The following STMND1 variants were observed in gnomAD, a reference collection of about 807,000 sequenced individuals.
The protein encoded by STMND1 is stathmin domain-containing protein 1.
Under a neutral mutation model 23.0 loss-of-function variants are expected in STMND1, and 17 were observed. That is an observed-to-expected ratio of 0.74 (90% CI 0.51 to 1.11). The LOEUF is 1.11. Among genes scored for constraint, STMND1 ranks in the 50% least tolerant of loss-of-function variants. The pLI is 0.00. For missense variants in STMND1, 305 were observed against 329.1 expected, an observed-to-expected ratio of 0.93 and a Z score of 0.57; for synonymous variants, 114 against 119.9, an observed-to-expected ratio of 0.95 and a Z score of 0.32.
chr6:17,104,852 C>T (rs1186334452), intron 1 of STMND1, among the ~76,000 whole-genome samples: 1 of 152,284 alleles, frequency 6.6e-6, no homozygotes, highest in Middle Eastern at 3.4e-3. Context: ...AGTTATTTAA[C>T]CTCCCTGTGC....
chr6:17,110,415 G>C (rs550398248), intron 1 of STMND1: 1 of 167,722 alleles, frequency 6.0e-6, no homozygotes, highest in African/African-American at 2.4e-5. Flanking sequence ...AGAGTCCTGA[G>C]GCCCTTCAAA....
intron 3 of STMND1, among the ~76,000 whole-genome samples, chr6:17,127,333 T>A (rs1031871898): frequency 1.3e-5 from 2 of 152,174 alleles, no homozygotes; most frequent in African/African-American, 4.8e-5. Context: ...GTGGAACACC[T>A]GAGGTCAGGA....
intron 1 of STMND1, 105 bp from the exon 2 acceptor site, chr6:17,114,857 C>T: frequency 8.1e-7 from 1 of 1,229,240 alleles, no homozygotes; most frequent in Non-Finnish European, 1.1e-6. Flanking sequence ...ACTATACAGC[C>T]CACCACAGAT....
chr6:17,126,056 ATATATATATATATATT>A (rs1314787058), intron 3 of STMND1, among the ~76,000 whole-genome samples: 21 of 22,590 alleles, frequency 9.3e-4, no homozygotes, highest in South Asian at 8.0e-3. Flanking sequence ...ATATATATAT[ATATATATATATATATT>A]TTTTTTTTTT....
rs530315965 is a variant in STMND1, at chr6:17,120,556, ATCT to A, written c.260-48_260-46del. 39 of 1,406,774 alleles carry A rather than the reference ATCT, an allele frequency of 2.8e-5. No homozygotes were observed. In the Admixed American group the frequency reaches 7.9e-4, roughly 28 times the overall value. 87.1% of individuals were successfully genotyped at this position (1,406,774 alleles called of 1,614,324 possible). A position where few individuals can be genotyped will look rare whatever the true frequency, so the allele number is the denominator to read the frequency against. ...ATCCGTTTAGCATTTGATTGAAAAA[ATCT>A]TCATTCTTAAATTTTGCTTTCTTTT... On this transcript the variant is annotated intron_variant, in intron 2 of 4. Coordinates refer to ENST00000536551, the MANE Select transcript of STMND1 (RefSeq NM_001190766.2).
intron 1 of STMND1, among the ~76,000 whole-genome samples, chr6:17,106,697 G>A (rs1761030129): frequency 6.6e-6 from 1 of 152,158 alleles, no homozygotes; most frequent in Non-Finnish European, 1.5e-5. Flanking sequence ...AAGGCTTAGG[G>A]TTCAGTAGTT....
rs1487367006 is a variant in STMND1 at position 17,102,294 on chromosome 6, A to G, written c.37A>G (p.Arg13Gly). ...CGPSQPAEDRRRVRAPKKGWK... is the reference protein window; with the variant it reads ...CGPSQPAEDRGRVRAPKKGWK... The stretch of plus-strand genomic sequence containing the variant: ...ACCTTCCCAACCTGCTGAAGACCGG[A>G]GACGTGTACGCGCGCCCAAGAAGGG... Residue 13 changes from arginine (R) to glycine (G), a missense_variant, in exon 1 of 5, where the codon AGA (arginine) becomes GGA (glycine). Arg to Gly is a moderately radical substitution (Grantham distance 125). Transcript: ENST00000536551. 6.5e-7 allele frequency: 1 copy of G among 1,536,074 alleles called. No individual in the cohort carries two copies. The highest frequency in any genetic ancestry group is 2.0e-5 in the Admixed American group (1 of 51,004).
intron 2 of STMND1, among the ~76,000 whole-genome samples, chr6:17,115,372 T>TAAAAAAAAAAAAAAAAAAAA (rs75171969): frequency 8.6e-6 from 1 of 116,098 alleles, no homozygotes. Context: ...GGACCATCTT[T>TAAAAAAAAAAAAAAAAAAAA]AAAAAAAAAA....
In STMND1 at chr6:17,126,070, A is replaced by ATTTTTT. The variant is rs1189845838; in HGVS notation, c.412-3019_412-3014dup. 9.7e-5 allele frequency among the ~76,000 whole-genome samples: 2 copies of ATTTTTT among 20,528 alleles called. 1 individual carries two copies. Among genetic ancestry groups the ATTTTTT allele is most frequent in the African/African-American group, 5.3e-4 (2 of 3,776 alleles). 13.5% of individuals were successfully genotyped at this position (20,528 alleles called of 152,430 possible). A position where few individuals can be genotyped will look rare whatever the true frequency, so the allele number is the denominator to read the frequency against. Reference sequence around the variant, plus strand: ...TATATATATATATATATATATATATATTTTTTTTTTTTTTTTTTTTTTTTT... The same window carrying ATTTTTT: ...TATATATATATATATATATATATATATTTTTTTTTTTTTTTTTTTTTTTTTTTTTTT... On this transcript the variant is annotated intron_variant, in intron 3 of 4. Coordinates refer to ENST00000536551, the MANE Select transcript of STMND1 (RefSeq NM_001190766.2).
chr6:17,104,291 C>G (rs1189287670), intron 1 of STMND1, among the ~76,000 whole-genome samples: 1 of 152,140 alleles, frequency 6.6e-6, no homozygotes, highest in Non-Finnish European at 1.5e-5. Flanking sequence ...ATCCATTGTT[C>G]TTGTCGCCCT....
intron 1 of STMND1, among the ~76,000 whole-genome samples, chr6:17,109,301 A>G (rs1197383136): frequency 6.6e-6 from 1 of 152,140 alleles, no homozygotes; most frequent in East Asian, 1.9e-4. Flanking sequence ...ATGAACTGAT[A>G]TTGGTTTAGC....
chr6:17,131,012 G>A lies in STMND1; in HGVS notation c.*131G>A, dbSNP rs1107867. 466 of 869,828 alleles carry A rather than the reference G, an allele frequency of 5.4e-4. 2 individuals carry two copies. The African/African-American group carries it at 7.0e-3, about 13-fold the overall frequency. The allele number at this position is 869,828 out of a possible 1,614,324, so 53.9% of individuals were successfully genotyped here. A position where few individuals can be genotyped will look rare whatever the true frequency, so the allele number is the denominator to read the frequency against. The stretch of plus-strand genomic sequence containing the variant: ...CTGCCTTGGGCTTAAGGATGATTGT[G>A]TGGGCTGCACAGGCTGAAGGTTAGT... On this transcript the variant is annotated 3_prime_UTR_variant, in exon 5 of 5. Transcript: ENST00000536551.
At position 17,102,303 on chromosome 6, in the gene STMND1, C is replaced by T; in HGVS notation, c.46C>T (p.Arg16Cys). 3 of 1,536,004 alleles carry T rather than the reference C, an allele frequency of 2.0e-6. No homozygotes were observed. Among genetic ancestry groups the T allele is most frequent in the Non-Finnish European group, 2.6e-6 (3 of 1,146,854 alleles). ...ACCTGCTGAAGACCGGAGACGTGTA[C>T]GCGCGCCCAAGAAGGGCTGGAAAGA... Reference protein sequence around the residue: ...SQPAEDRRRVRAPKKGWKEEF... With the variant: ...SQPAEDRRRVCAPKKGWKEEF... The change falls in exon 1 of 5, where the codon CGC (arginine) becomes TGC (cysteine). Residue 16 changes from arginine to cysteine, a missense_variant. By Grantham distance (180) the Arg-to-Cys change is radical. Transcript: ENST00000536551.
chr6:17,125,569 T>C (rs1042117320), intron 3 of STMND1, among the ~76,000 whole-genome samples: 4 of 152,336 alleles, frequency 2.6e-5, no homozygotes, highest in African/African-American at 9.6e-5. Flanking sequence ...TTGTTCACAT[T>C]GCATAAGAGT....
At chr6:17,125,326 AT>A (rs916598761) in intron 3 of STMND1, among the ~76,000 whole-genome samples, 2 of 152,224 alleles carry the variant, frequency 1.3e-5, no homozygotes, top group African/African-American at 4.8e-5. Context: ...GTCGATATGT[AT>A]ATGGATAGGT....
intron 2 of STMND1, among the ~76,000 whole-genome samples, chr6:17,117,514 T>C (rs1356483782): frequency 6.6e-6 from 1 of 152,214 alleles, no homozygotes; most frequent in Non-Finnish European, 1.5e-5. Context: ...TAGTCATCTA[T>C]GGTCTTTAGT....
Position 17,130,900 on chromosome 6 carries a change from C to A in STMND1, c.*19C>A. On this transcript the variant is annotated 3_prime_UTR_variant, in exon 5 of 5. Transcript: ENST00000536551. The stretch of plus-strand genomic sequence containing the variant: ...CTACTAAGCCATTTTTTGTGAATTT[C>A]ATAAGAAAGCATTCATTCTCCCCAT... 6.7e-7 allele frequency: 1 copy of A among 1,486,286 alleles called. No individual in the cohort carries two copies. Among genetic ancestry groups the A allele is most frequent in the African/African-American group, 1.4e-5 (1 of 71,802 alleles). The allele number at this position is 1,486,286 out of a possible 1,614,324, so 92.1% of individuals were successfully genotyped here.
At chr6:17,126,034 T>TTTTTTATATATA (rs1348334184) in intron 3 of STMND1, among the ~76,000 whole-genome samples, 24 of 42,008 alleles carry the variant, frequency 5.7e-4, no homozygotes, top group African/African-American at 3.0e-3. Context: ...GATCATTGTT[T>TTTTTTATATATA]TATATATATA....
chr6:17,115,280 G>T, intron 2 of STMND1, 141 bp downstream of exon 2: 1 of 704,218 alleles, frequency 1.4e-6, no homozygotes. Context: ...TTTTGTCTCT[G>T]AAACATTAGA....
Sources: gnomAD v4.1 joint callset for allele counts (sites outside exome capture counted in the v4.1 genomes callset) on GRCh38, gnomAD v4.1.1 for gene constraint, MANE v1.5 for transcripts, NCBI Gene and HGNC (gene_info 2026-07-23, HGNC 2026-07-21) for gene names.